The following POLN variants were observed in gnomAD, a reference collection of about 807,000 sequenced individuals.
The protein encoded by POLN is DNA polymerase N.
A neutral mutation model predicts 113.5 loss-of-function variants in POLN; 108 were observed. That is an observed-to-expected ratio of 0.95 (90% CI 0.81 to 1.12). The LOEUF (loss-of-function observed/expected upper bound fraction) is 1.12. Among genes scored for constraint, POLN ranks in the 50% most tolerant of loss-of-function variants. The pLI, the probability that POLN is intolerant of heterozygous loss-of-function variation, is 0.00. For synonymous variants in POLN, 386 were observed against 391.5 expected (o/e 0.99, Z 0.17); for missense variants, 1,097 against 1,077.1 (o/e 1.02, Z -0.26).
intron 23 of POLN, 116 bp downstream of exon 23, chr4:2,080,842 G>A: frequency 1.9e-6 from 3 of 1,579,572 alleles, no homozygotes; most frequent in Non-Finnish European, 2.6e-6. Flanking sequence ...GCCTCAGGAG[G>A]GGACGGGGGC....
intron 16 of POLN, among the ~76,000 whole-genome samples, chr4:2,146,644 AGGCAGATAGG>A (rs1271405290): frequency 2.0e-5 from 3 of 152,176 alleles, no homozygotes; most frequent in Non-Finnish European, 4.4e-5. Context: ...GGGGAGGGGC[AGGCAGATAGG>A]GGCAGGGGGC....
chr4:2,241,323 TTA>T (rs1408954310), intron 2 of POLN, among the ~76,000 whole-genome samples, 195 bp downstream of exon 2: 5 of 152,252 alleles, frequency 3.3e-5, no homozygotes, highest in African/African-American at 7.2e-5. Flanking sequence ...TGGATCCATT[TTA>T]TCTTTTTTTC....
chr4:2,190,880 G>A (rs1478337285), intron 7 of POLN, among the ~76,000 whole-genome samples: 3 of 152,154 alleles, frequency 2.0e-5, no homozygotes, highest in Non-Finnish European at 4.4e-5. Context: ...AACAGATACT[G>A]GTGAGGATAT....
intron 9 of POLN, among the ~76,000 whole-genome samples, chr4:2,175,390 T>G (rs7356512): frequency 0.25 from 37,574 of 152,174 alleles, 7,169 homozygotes; most frequent in African/African-American, 0.52. Context: ...TTTTTCATTT[T>G]TAAGATTGAT....
At chr4:2,167,447 T>G (rs1415343713) in intron 13 of POLN, among the ~76,000 whole-genome samples, 1 of 151,860 alleles carries the variant, frequency 6.6e-6, no homozygotes. Flanking sequence ...CCAGCAGGAG[T>G]GAGTGGACCA....
chr4:2,128,218 T>C lies in POLN; in HGVS notation c.1877A>G (p.Gln626Arg), dbSNP rs1577709738. The change falls in exon 19 of 26, where the codon CAG (glutamine) becomes CGG (arginine). Residue 626 changes from glutamine (Q) to arginine (R), a missense_variant. Transcript: ENST00000511885. ...ATGTGTAAGAATGCGCAATTCAATC[T>C]GTGAAAAGTCTGTGAGATACAGTTC... ...GHTFLAADFSQIELRILTHLS... is the reference protein window; with the variant it reads ...GHTFLAADFSRIELRILTHLS... 2 of 1,602,148 alleles carry C rather than the reference T, an allele frequency of 1.2e-6. No individual in the cohort carries two copies. Among genetic ancestry groups the C allele is most frequent in the Non-Finnish European group, 8.5e-7 (1 of 1,169,630 alleles).
At chr4:2,228,939 G>C in intron 3 of POLN, 160 bp downstream of exon 3, 1 of 567,704 alleles carries the variant, frequency 1.8e-6, no homozygotes, top group South Asian at 3.4e-5. Flanking sequence ...AAGGGAACAC[G>C]AAAGTTAGCA....
At chr4:2,227,916 T>C (rs769681008) in intron 3 of POLN, 3 of 152,224 alleles carry the variant, frequency 2.0e-5, no homozygotes, top group African/African-American at 4.8e-5. Context: ...GTGATTATGA[T>C]AGTGTCTTAC....
chr4:2,130,890 T>A (rs1731711008), intron 17 of POLN, among the ~76,000 whole-genome samples: 1 of 152,136 alleles, frequency 6.6e-6, no homozygotes, highest in Non-Finnish European at 1.5e-5. Context: ...TTTTAAAAAA[T>A]GTTAAAAAGG....
chr4:2,136,003 G>A (rs1193599617), intron 16 of POLN, among the ~76,000 whole-genome samples: 2 of 152,204 alleles, frequency 1.3e-5, no homozygotes, highest in Non-Finnish European at 2.9e-5. Flanking sequence ...TTCTGCAGGT[G>A]AAAGCCTCAG....
chr4:2,201,447 A>C (rs891136009), intron 5 of POLN, among the ~76,000 whole-genome samples: 1 of 151,670 alleles, frequency 6.6e-6, no homozygotes, highest in African/African-American at 2.4e-5. Flanking sequence ...AGAAGAAAGA[A>C]CTTCAGAGCT....
chr4:2,080,633 G>T, intron 23 of POLN: 1 of 1,262,636 alleles, frequency 7.9e-7, no homozygotes, highest in African/African-American at 1.5e-5. Flanking sequence ...TGCTCAAGGG[G>T]CTGAGGGGTT....
intron 19 of POLN, among the ~76,000 whole-genome samples, chr4:2,111,329 C>T (rs1338819581): frequency 1.6e-4 from 25 of 151,560 alleles, no homozygotes; most frequent in Admixed American, 1.5e-3. Context: ...AAAACTGGCA[C>T]AAGACAGGGA....
chr4:2,184,631 T>C (rs1207761690), intron 7 of POLN, among the ~76,000 whole-genome samples: 1 of 152,164 alleles, frequency 6.6e-6, no homozygotes, highest in African/African-American at 2.4e-5. Context: ...GAGGTACATA[T>C]CCAGTGACCA....
intron 5 of POLN, among the ~76,000 whole-genome samples, chr4:2,205,125 G>A (rs1212372693): frequency 1.3e-5 from 2 of 152,042 alleles, no homozygotes; most frequent in East Asian, 1.9e-4. Context: ...AAAAGCATCC[G>A]AATCGATAAA....
At chr4:2,128,684 G>C (rs1367118251) in intron 18 of POLN, among the ~76,000 whole-genome samples, 1 of 151,960 alleles carries the variant, frequency 6.6e-6, no homozygotes, top group Non-Finnish European at 1.5e-5. Flanking sequence ...CAGGGCCAAA[G>C]GTATCTGGGA....
chr4:2,163,427 C>T (rs1369091345), intron 13 of POLN, among the ~76,000 whole-genome samples: 2 of 152,244 alleles, frequency 1.3e-5, no homozygotes, highest in African/African-American at 2.4e-5. Flanking sequence ...TCGCACTAAC[C>T]GTGTACAGAG....
intron 7 of POLN, among the ~76,000 whole-genome samples, chr4:2,190,023 CA>C (rs58730240): frequency 0.012 from 1,056 of 86,118 alleles, 6 homozygotes; most frequent in African/African-American, 0.028. Flanking sequence ...GACTCCATCT[CA>C]AAAAAAAAAA....
chr4:2,072,441 G>T lies in POLN; in HGVS notation c.2518-142C>A, dbSNP rs553342976. 1.5e-5 allele frequency: 10 copies of T among 683,698 alleles called. No homozygotes were observed. The South Asian group carries it at 2.0e-4, about 14-fold the overall frequency. 42.4% of individuals were successfully genotyped at this position (683,698 alleles called of 1,614,324 possible). A position where few individuals can be genotyped will look rare whatever the true frequency, so the allele number is the denominator to read the frequency against. ...TGATCAGACAGCCACACGCACACAT[G>T]TGCATACACGTGCACACTCACCACA... On this transcript the variant is annotated intron_variant, in intron 25 of 25. Coordinates refer to ENST00000511885, the MANE Select transcript of POLN (RefSeq NM_181808.4).
Sources: gnomAD v4.1 joint callset for allele counts (sites outside exome capture counted in the v4.1 genomes callset) on GRCh38, gnomAD v4.1.1 for gene constraint, MANE v1.5 for transcripts, NCBI Gene and HGNC (gene_info 2026-07-23, HGNC 2026-07-21) for gene names.